THSD4: variants seen among roughly 807,000 people sequenced by gnomAD.
THSD4 encodes thrombospondin type 1 domain containing 4, also known as thrombospondin type-1 domain-containing protein 4.
In THSD4, 69 loss-of-function variants were observed where a neutral mutation model predicts 119.0. That is an observed-to-expected ratio of 0.58 (90% CI 0.48 to 0.71). The LOEUF is 0.71. Among genes scored for constraint, THSD4 ranks in the 30% least tolerant of loss-of-function variants. The probability of loss-of-function intolerance (pLI) is 0.00; values close to 1 mark genes in which losing one functional copy is unlikely to be tolerated. For synonymous variants in THSD4, 524 were observed against 540.4 expected (o/e 0.97, Z 0.42); for missense variants, 1,393 against 1,391.1 (o/e 1.00, Z -0.02).
chr15:71,634,549 C>G (rs1263661728), intron 7 of THSD4, among the ~76,000 whole-genome samples: 2 of 152,148 alleles, frequency 1.3e-5, no homozygotes, highest in Non-Finnish European at 2.9e-5. Context: ...TTCTTAAATC[C>G]CCATAAGATT....
At chr15:71,465,311 G>C (rs1166668378) in intron 7 of THSD4, among the ~76,000 whole-genome samples, 2 of 152,176 alleles carry the variant, frequency 1.3e-5, no homozygotes, top group Non-Finnish European at 2.9e-5. Flanking sequence ...TTTGAACTCA[G>C]CAGTTCAGGC....
In THSD4 at chr15:71,421,476, T is replaced by C. The variant is rs144974818; in HGVS notation, c.1152+9653T>C. ...TAAAAGTGTCATTCCTTTAGCACTT[T>C]AAATATGTGATGCCACTCTCTCCTG... is the stretch of plus-strand genomic sequence containing the variant. On this transcript the variant is annotated intron_variant, in intron 7 of 17. Transcript: ENST00000261862. 1.6e-3 allele frequency among the ~76,000 whole-genome samples: 240 copies of C among 152,332 alleles called. 1 individual carries two copies. The highest frequency in any genetic ancestry group is 3.0e-3 in the Non-Finnish European group (201 of 68,030).
intron 6 of THSD4, among the ~76,000 whole-genome samples, chr15:71,262,000 G>A (rs1481549425): frequency 2.0e-5 from 3 of 152,098 alleles, no homozygotes; most frequent in African/African-American, 7.2e-5. Context: ...CTGACCGGCG[G>A]GAGGAAGACA....
At chr15:71,463,689 C>T (rs550395545) in intron 7 of THSD4, among the ~76,000 whole-genome samples, 72 of 152,222 alleles carry the variant, frequency 4.7e-4, no homozygotes, top group Non-Finnish European at 6.8e-4. Context: ...ATCTATTGAC[C>T]GACCTCTTGT....
chr15:71,524,294 C>T (rs1441205847), intron 7 of THSD4, among the ~76,000 whole-genome samples: 2 of 152,218 alleles, frequency 1.3e-5, no homozygotes, highest in East Asian at 3.9e-4. Flanking sequence ...TGCAGGTTTG[C>T]ACAGTGACGC....
In THSD4 at chr15:71,778,020, A is replaced by T. The variant is rs1233322592; in HGVS notation, c.*646A>T. On this transcript the variant is annotated 3_prime_UTR_variant, in exon 18 of 18. Transcript: ENST00000261862. ...AATGGGAGGCAGGGGGTGACTCATT[A>T]TCCCCATTTTACTGACAGGGAAACT... 6.6e-6 allele frequency: 1 copy of T among 152,530 alleles called. No individual in the cohort carries two copies. Among genetic ancestry groups the T allele is most frequent in the African/African-American group, 2.4e-5 (1 of 41,450 alleles). 9.4% of individuals were successfully genotyped at this position (152,530 alleles called of 1,614,324 possible).
At chr15:71,593,623 T>C (rs1479123601) in intron 7 of THSD4, among the ~76,000 whole-genome samples, 2 of 151,680 alleles carry the variant, frequency 1.3e-5, no homozygotes, top group Admixed American at 1.3e-4. Context: ...AGCTGGGGAA[T>C]GGTGGCTCAC....
chr15:71,571,278 C>T (rs1424105682), intron 7 of THSD4, among the ~76,000 whole-genome samples: 1 of 151,768 alleles, frequency 6.6e-6, no homozygotes, highest in East Asian at 1.9e-4. Context: ...TGAATTCTTA[C>T]AAGTTAGCCG....
chr15:71,541,965 G>A (rs1335054292), intron 7 of THSD4, among the ~76,000 whole-genome samples: 4 of 152,190 alleles, frequency 2.6e-5, no homozygotes, highest in Non-Finnish European at 5.9e-5. Flanking sequence ...AGAACGTATT[G>A]CAAACAGTCT....
chr15:71,131,111 A>G (rs1445790706), intron 1 of THSD4, among the ~76,000 whole-genome samples: 1 of 152,198 alleles, frequency 6.6e-6, no homozygotes, highest in African/African-American at 2.4e-5. Flanking sequence ...ACCTTGTACC[A>G]GTCACGTGGT....
At chr15:71,436,288 C>T (rs1036014499) in intron 7 of THSD4, among the ~76,000 whole-genome samples, 1 of 151,802 alleles carries the variant, frequency 6.6e-6, no homozygotes, top group African/African-American at 2.4e-5. Context: ...AACAGGAAGA[C>T]AAAGACGAAG....
intron 8 of THSD4, among the ~76,000 whole-genome samples, chr15:71,705,934 A>G (rs2052384462): frequency 1.3e-5 from 2 of 152,138 alleles, no homozygotes; most frequent in Admixed American, 6.5e-5. Context: ...GCAGGGAGAG[A>G]GGCAGAGAAT....
intron 1 of THSD4, among the ~76,000 whole-genome samples, chr15:71,098,861 A>G (rs545199296): frequency 2.0e-5 from 3 of 152,334 alleles, no homozygotes; most frequent in Admixed American, 6.5e-5. Context: ...TTAAAAATAT[A>G]TATATTTCCC....
intron 6 of THSD4, among the ~76,000 whole-genome samples, chr15:71,315,586 C>T (rs762032015): frequency 2.6e-4 from 40 of 152,348 alleles, no homozygotes; most frequent in Admixed American, 4.6e-4. Context: ...CAGGCTCCGC[C>T]TCCTTGAAAC....
chr15:71,329,077 C>T (rs988984327), intron 6 of THSD4, among the ~76,000 whole-genome samples: 6 of 152,174 alleles, frequency 3.9e-5, no homozygotes, highest in Non-Finnish European at 7.3e-5. Flanking sequence ...ACCAAGCCTC[C>T]GTTGTGATGT....
intron 5 of THSD4, among the ~76,000 whole-genome samples, chr15:71,249,487 AGTT>A (rs752059059): frequency 4.6e-4 from 70 of 150,818 alleles, no homozygotes; most frequent in Non-Finnish European, 9.0e-4. Context: ...GATTATAGAA[AGTT>A]GTTCTCTTAT....
At chr15:71,711,505 C>T (rs1029017204) in intron 8 of THSD4, among the ~76,000 whole-genome samples, 1 of 149,552 alleles carries the variant, frequency 6.7e-6, no homozygotes, top group Admixed American at 6.7e-5. Flanking sequence ...TATGCAAGTA[C>T]AAAAAAAGAA....
At chr15:71,618,302 C>T (rs2050354541) in intron 7 of THSD4, among the ~76,000 whole-genome samples, 1 of 152,098 alleles carries the variant, frequency 6.6e-6, no homozygotes, top group Non-Finnish European at 1.5e-5. Context: ...GTAAGCAATC[C>T]CACTTCCAGG....
At chr15:71,301,409 T>A (rs1032626850) in intron 6 of THSD4, among the ~76,000 whole-genome samples, 2 of 152,204 alleles carry the variant, frequency 1.3e-5, no homozygotes, top group African/African-American at 4.8e-5. Flanking sequence ...TTTATCATAA[T>A]ATATTTTATT....
Sources: gnomAD v4.1 joint callset for allele counts (sites outside exome capture counted in the v4.1 genomes callset) on GRCh38, gnomAD v4.1.1 for gene constraint, MANE v1.5 for transcripts, NCBI Gene and HGNC (gene_info 2026-07-23, HGNC 2026-07-21) for gene names.